The following CBX7 variants were observed in gnomAD, a reference collection of about 807,000 sequenced individuals.
CBX7 encodes chromobox protein homolog 7.
In CBX7, 14 loss-of-function variants were observed where a neutral mutation model predicts 31.4. The ratio of observed to expected loss-of-function variants is 0.45; its 90% CI spans 0.29 to 0.70. The LOEUF (loss-of-function observed/expected upper bound fraction) is 0.70. Among genes scored for constraint, CBX7 ranks in the 30% least tolerant of loss-of-function variants. The pLI, the probability that CBX7 is intolerant of heterozygous loss-of-function variation, is 0.11. For synonymous variants in CBX7, 159 were observed against 152.6 expected (o/e 1.04, Z -0.31); for missense variants, 269 against 351.9 (o/e 0.76, Z 1.89).
rs1601551770 is a variant in CBX7, at chr22:39,131,317, T to C, written c.*2574A>G. ...GGGGAAAGAAAGGCAGATGGGCAAA[T>C]GCTTTCTAAACCCTCCCCCCACCCC... On this transcript the variant is annotated 3_prime_UTR_variant, in exon 6 of 6. Transcript: ENST00000216133. The C allele has an allele frequency of 6.5e-6, 1 of 152,700 alleles. No homozygotes were observed. The highest frequency in any genetic ancestry group is 1.9e-4 in the East Asian group (1 of 5,174). 9.5% of individuals were successfully genotyped at this position (152,700 alleles called of 1,614,324 possible). A position where few individuals can be genotyped will look rare whatever the true frequency, so the allele number is the denominator to read the frequency against.
chr22:39,141,772 C>T (rs1443171212), intron 2 of CBX7, among the ~76,000 whole-genome samples: 2 of 151,778 alleles, frequency 1.3e-5, no homozygotes, highest in African/African-American at 2.4e-5. Flanking sequence ...TCAGAGCCAT[C>T]GCTTCTACTG....
Position 39,152,314 on chromosome 22 carries a change from G to A in CBX7, c.69+62C>T. ...CCCCTTCAGCCCCAGCGTGGAGGGA[G>A]CGGTGCTGGGGACGGGAGGGACCCC... On this transcript the variant is annotated intron_variant, in intron 1 of 5. Transcript: ENST00000216133. This position sits in a 1 kb window ranked among gnomAD's most constrained non-coding sequence, Gnocchi z 4.9. 1 of 1,102,534 alleles carries A rather than the reference G, an allele frequency of 9.1e-7. No individual in the cohort carries two copies. The allele number at this position is 1,102,534 out of a possible 1,614,324, so 68.3% of individuals were successfully genotyped here. A position where few individuals can be genotyped will look rare whatever the true frequency, so the allele number is the denominator to read the frequency against.
At position 39,134,501 on chromosome 22, in the gene CBX7, G is replaced by A. The variant is rs534529343; in HGVS notation, c.498C>T (p.His166=). Residue 166 remains histidine (H), a synonymous_variant, in exon 5 of 6, where the codon CAC becomes CAT. Coordinates refer to ENST00000216133, the MANE Select transcript of CBX7 (RefSeq NM_175709.5). Reference sequence around the variant, plus strand: ...GCAGGAAGAGCTCCCGTCGATGGCTGTGGCTCTCCAGGTTGGGCCCGCGGG... The same window carrying A: ...GCAGGAAGAGCTCCCGTCGATGGCTATGGCTCTCCAGGTTGGGCCCGCGGG... ...FPPRGPNLES[H]SHRRELFLQE... is the part of the protein sequence containing the mutation. The A allele has an allele frequency of 3.1e-6, 5 of 1,611,972 alleles. No homozygotes were observed. In the South Asian group the frequency reaches 5.5e-5, roughly 18 times the overall value.
chr22:39,137,179 A>T (rs748987145), intron 4 of CBX7, among the ~76,000 whole-genome samples: 3 of 152,044 alleles, frequency 2.0e-5, no homozygotes, highest in Non-Finnish European at 2.9e-5. Flanking sequence ...CAGACTTCGA[A>T]TTTTTTTAGG....
intron 2 of CBX7, chr22:39,148,075 C>G (rs1215770119): frequency 1.3e-5 from 2 of 152,252 alleles, no homozygotes; most frequent in Admixed American, 1.3e-4. Flanking sequence ...GGGCCCTGTC[C>G]CAGGGCTCAT....
chr22:39,140,870 C>T (rs1219191123), intron 3 of CBX7, among the ~76,000 whole-genome samples: 1 of 152,076 alleles, frequency 6.6e-6, no homozygotes, highest in Non-Finnish European at 1.5e-5. Flanking sequence ...CTCAGAAATC[C>T]CAGCCCCAAA....
At position 39,139,748 on chromosome 22, in the gene CBX7, A is replaced by G. The variant is rs185030989; in HGVS notation, c.180-1046T>C. Among the ~76,000 whole-genome samples, 3 of 148,948 alleles carry G rather than the reference A, an allele frequency of 2.0e-5. No individual in the cohort carries two copies. The East Asian group carries it at 5.9e-4, about 29-fold the overall frequency. On this transcript the variant is annotated intron_variant, in intron 3 of 5. Transcript: ENST00000216133. ...AAAGAAAGAAAAAGAAAAAAAAACA[A>G]ACAAAAAACCCCATTTACCAAAAAT...
chr22:39,149,443 T>G (rs1930775162), intron 2 of CBX7: 1 of 415,702 alleles, frequency 2.4e-6, no homozygotes, highest in East Asian at 4.8e-5. Context: ...GGTCCCCTCC[T>G]CCTGTCCAGC....
intron 1 of CBX7, among the ~76,000 whole-genome samples, chr22:39,151,150 C>T (rs1410786558): frequency 6.6e-6 from 1 of 152,226 alleles, no homozygotes. Flanking sequence ...GGAGTTAGTG[C>T]TGTGCCTGCT....
At chr22:39,146,946 C>G (rs1441160972) in intron 2 of CBX7, among the ~76,000 whole-genome samples, 1 of 152,092 alleles carries the variant, frequency 6.6e-6, no homozygotes, top group South Asian at 2.1e-4. Context: ...TTCCCTGTCC[C>G]GGGCCCCGAG....
chr22:39,134,678 G>A lies in CBX7; in HGVS notation c.321C>T (p.Cys107=), dbSNP rs1383344300. ...CCTCAGGGCTCCCGCTGCCGAGTGG[G>A]CACGTCAGGGAGAAGCAGAGCTTCT... The part of the protein sequence containing the change: ...GKEKLCFSLT[C]PLGSGSPEGV... The change falls in exon 5 of 6, where the codon TGC becomes TGT. Residue 107 remains cysteine, a synonymous_variant. Transcript: ENST00000216133. 4.4e-6 allele frequency: 7 copies of A among 1,586,420 alleles called. No individual in the cohort carries two copies. Among genetic ancestry groups the A allele is most frequent in the Non-Finnish European group, 5.1e-6 (6 of 1,165,878 alleles).
intron 3 of CBX7, among the ~76,000 whole-genome samples, chr22:39,138,936 G>T (rs916277221): frequency 6.6e-6 from 1 of 152,216 alleles, no homozygotes; most frequent in African/African-American, 2.4e-5. Flanking sequence ...TGCTGAGGGG[G>T]GACTTGCAGC....
chr22:39,134,381 C>T lies in CBX7; in HGVS notation c.598+20G>A, dbSNP rs767266456. ...GGGCCCTTTCCAGCTCTGAGGGTCT[C>T]TGGGCTGGGGCCGCCTTACCCTCCT... On this transcript the variant is annotated intron_variant, in intron 5 of 5. Transcript: ENST00000216133. 4 of 1,580,466 alleles carry T rather than the reference C, an allele frequency of 2.5e-6. No homozygotes were observed. The highest frequency in any genetic ancestry group is 3.4e-6 in the Non-Finnish European group (4 of 1,169,764).
chr22:39,142,288 T>A (rs1930487250), intron 2 of CBX7, among the ~76,000 whole-genome samples: 11 of 152,198 alleles, frequency 7.2e-5, no homozygotes, highest in Admixed American at 7.2e-4. Context: ...CTGCTGTTGC[T>A]GTTCCTCCCC....
chr22:39,148,011 G>A (rs1407822749), intron 2 of CBX7: 1 of 152,264 alleles, frequency 6.6e-6, no homozygotes, highest in Non-Finnish European at 1.5e-5. Flanking sequence ...AGCCTGCAAA[G>A]GAGGCTTCAC....
intron 1 of CBX7, among the ~76,000 whole-genome samples, chr22:39,150,397 G>A (rs565962700): frequency 1.6e-4 from 25 of 152,284 alleles, no homozygotes; most frequent in African/African-American, 5.5e-4. Context: ...TGGAAGACTG[G>A]CAAAGTCTCC....
At chr22:39,142,226 G>A (rs1601561722) in intron 2 of CBX7, among the ~76,000 whole-genome samples, 5 of 152,264 alleles carry the variant, frequency 3.3e-5, no homozygotes, top group Admixed American at 6.5e-5. Context: ...GTGTTTAGAG[G>A]GTGTTACAAG....
At position 39,133,835 on chromosome 22, in the gene CBX7, G is replaced by T; in HGVS notation, c.*56C>A. On this transcript the variant is annotated 3_prime_UTR_variant, in exon 6 of 6. Transcript: ENST00000216133. ...CCGCCCCCAACCCATCCCTATCTCT[G>T]GAAGTCCCACCCCAAGCCCAAAAGA... is the stretch of plus-strand genomic sequence containing the variant. The T allele has an allele frequency of 2.7e-6, 4 of 1,456,418 alleles. No individual in the cohort carries two copies. The highest frequency in any genetic ancestry group is 2.8e-6 in the Non-Finnish European group (3 of 1,081,174). The allele number at this position is 1,456,418 out of a possible 1,614,324, so 90.2% of individuals were successfully genotyped here.
intron 2 of CBX7, among the ~76,000 whole-genome samples, chr22:39,145,841 C>T (rs1397913688): frequency 6.6e-6 from 1 of 151,888 alleles, no homozygotes; most frequent in South Asian, 2.1e-4. Flanking sequence ...CAGCCAAAGC[C>T]CCGCCGCGCA....
Sources: allele counts gnomAD v4.1 joint callset (sites outside exome capture counted in the v4.1 genomes callset), GRCh38; gene constraint gnomAD v4.1.1; non-coding constraint Gnocchi (gnomAD v3.1); transcripts MANE v1.5; gene names NCBI Gene and HGNC (gene_info 2026-07-23, HGNC 2026-07-21).